The following MGAM variants were observed in gnomAD, a reference collection of about 807,000 sequenced individuals.
The protein encoded by MGAM is maltase-glucoamylase, also known as alpha-1,4-glucosidase.
Under a neutral mutation model 358.8 loss-of-function variants are expected in MGAM, and 253 were observed. The observed-to-expected ratio is 0.71, with a 90% CI of 0.64 to 0.78. The LOEUF is 0.78. Among genes scored for constraint, MGAM ranks in the 30% least tolerant of loss-of-function variants. The probability of loss-of-function intolerance (pLI) is 0.00; values close to 1 mark genes in which losing one functional copy is unlikely to be tolerated. For missense variants in MGAM, 3,080 were observed against 3,432.6 expected (o/e 0.90, Z 2.57); for synonymous variants, 1,105 against 1,227.1 (o/e 0.90, Z 2.08).
At position 142,068,628 on chromosome 7, in the gene MGAM, T is replaced by G; in HGVS notation, c.5005-19T>G. 5 of 1,515,192 alleles carry G rather than the reference T, an allele frequency of 3.3e-6. 1 individual carries two copies. The South Asian group carries it at 3.4e-5, about 10-fold the overall frequency. The allele number at this position is 1,515,192 out of a possible 1,614,324, so 93.9% of individuals were successfully genotyped here. A position where few individuals can be genotyped will look rare whatever the true frequency, so the allele number is the denominator to read the frequency against. ...GGAAAATGGTGGCACTGCCTCACCTTGTTTGTGTTTCATTTTAGAATGCCA... is the reference window on the plus strand; with the variant it reads ...GGAAAATGGTGGCACTGCCTCACCTGGTTTGTGTTTCATTTTAGAATGCCA... On this transcript the variant is annotated intron_variant, in intron 42 of 70. Transcript: ENST00000475668.
At chr7:142,025,850 C>G (rs10259614) in intron 8 of MGAM, among the ~76,000 whole-genome samples, 7,484 of 152,200 alleles carry the variant, frequency 0.049, 400 homozygotes, top group African/African-American at 0.13. Flanking sequence ...AATGATCTAA[C>G]ATGATTCTAG....
At chr7:142,017,777 G>A (rs1044005448) in intron 3 of MGAM, among the ~76,000 whole-genome samples, 1 of 152,040 alleles carries the variant, frequency 6.6e-6, no homozygotes, top group Non-Finnish European at 1.5e-5. Flanking sequence ...GTAAAAAATA[G>A]CATTTAATTA....
At chr7:142,025,216 G>T in intron 8 of MGAM, 67 bp downstream of exon 8, 1 of 1,224,890 alleles carries the variant, frequency 8.2e-7, no homozygotes. Context: ...ACAGCACTAT[G>T]ATAAAAGGAA....
rs376527736 is a variant in MGAM, at chr7:142,059,226, G to A, written c.3820-246G>A. ...AGTGTTTTCTCTTATCCTCAGAATA[G>A]CCATGCTAGAGACGCATTCTCATCC... On this transcript the variant is annotated intron_variant, in intron 31 of 70. Transcript: ENST00000475668. Among the ~76,000 whole-genome samples the A allele has an allele frequency of 3.3e-5, 5 of 152,292 alleles. 1 individual carries two copies. Among genetic ancestry groups the A allele is most frequent in the African/African-American group, 1.2e-4 (5 of 41,556 alleles).
At chr7:142,078,594 G>T in intron 48 of MGAM, 124 bp downstream of exon 48, 1 of 1,148,276 alleles carries the variant, frequency 8.7e-7, no homozygotes, top group Non-Finnish European at 1.2e-6. Context: ...TAAGGGACAT[G>T]ATCTGGATGT....
Position 142,082,027 on chromosome 7 carries a change from C to G in MGAM, c.6003-15C>G, listed in dbSNP as rs778253949. On this transcript the variant is annotated splice_polypyrimidine_tract_variant and intron_variant, in intron 50 of 70. Coordinates refer to ENST00000475668, the MANE Select transcript of MGAM (RefSeq NM_001365693.1). ...AGCCCATTTTCTGTTTCAAATCTGCCTTTTTGTGTTTCAGTTGGGACTCTC... is the reference window on the plus strand; with the variant it reads ...AGCCCATTTTCTGTTTCAAATCTGCGTTTTTGTGTTTCAGTTGGGACTCTC... The G allele has an allele frequency of 2.6e-6, 4 of 1,553,632 alleles. 1 individual carries two copies. The highest frequency in any genetic ancestry group is 3.5e-6 in the Non-Finnish European group (4 of 1,131,278).
chr7:142,012,772 A>T (rs1414043446), intron 3 of MGAM, among the ~76,000 whole-genome samples: 1 of 152,138 alleles, frequency 6.6e-6, no homozygotes, highest in Non-Finnish European at 1.5e-5. Flanking sequence ...TCTTGTCTGG[A>T]GGTTTCAAGA....
At chr7:142,039,706 G>T (rs1163627063) in intron 19 of MGAM, among the ~76,000 whole-genome samples, 1 of 152,140 alleles carries the variant, frequency 6.6e-6, no homozygotes, top group Non-Finnish European at 1.5e-5. Flanking sequence ...GGCTGATCGG[G>T]ATGTGATTGT....
chr7:142,038,729 C>A (rs1472466016), intron 19 of MGAM, 114 bp downstream of exon 19: 15 of 710,196 alleles, frequency 2.1e-5, no homozygotes, highest in Non-Finnish European at 3.3e-5. Context: ...ACTGAGTCAG[C>A]CTTGAAGAGA....
At chr7:142,027,796 A>C in intron 10 of MGAM, 61 bp downstream of exon 10, 1 of 1,428,780 alleles carries the variant, frequency 7.0e-7, no homozygotes, top group East Asian at 2.5e-5. Flanking sequence ...AAAAAGAAAA[A>C]CTGTTTATAT....
At chr7:141,988,950 G>A (rs1463467523) in intron 2 of MGAM, among the ~76,000 whole-genome samples, 2 of 152,132 alleles carry the variant, frequency 1.3e-5, no homozygotes, top group Non-Finnish European at 2.9e-5. Context: ...GAGATGTTAA[G>A]GTCTTTTATA....
At chr7:142,092,732 T>TG in intron 59 of MGAM, 124 bp downstream of exon 59, 1 of 942,048 alleles carries the variant, frequency 1.1e-6, no homozygotes, top group Non-Finnish European at 1.6e-6. Flanking sequence ...TGTGGTTTAC[T>TG]GGGGACCAGA....
intron 13 of MGAM, 147 bp downstream of exon 13, chr7:142,031,940 T>G: frequency 9.5e-6 from 5 of 527,676 alleles, no homozygotes; most frequent in Non-Finnish European, 1.7e-5. Flanking sequence ...TCTCTTACTA[T>G]TTAAATAATC....
At chr7:142,026,127 A>C (rs1360693461) in intron 8 of MGAM, among the ~76,000 whole-genome samples, 2 of 152,240 alleles carry the variant, frequency 1.3e-5, no homozygotes, top group African/African-American at 2.4e-5. Context: ...GATACGAATC[A>C]AGGTAATGAC....
At chr7:142,021,389 G>A (rs913450036) in intron 5 of MGAM, among the ~76,000 whole-genome samples, 197 bp from the exon 6 acceptor site, 20 of 152,180 alleles carry the variant, frequency 1.3e-4, no homozygotes, top group Admixed American at 4.6e-4. Flanking sequence ...CTCTGCAGAT[G>A]TGCTCTGTAT....
chr7:142,010,729 G>A (rs575923933), intron 3 of MGAM, among the ~76,000 whole-genome samples: 11 of 152,090 alleles, frequency 7.2e-5, no homozygotes, highest in South Asian at 2.1e-4. Flanking sequence ...ATTACTGTAC[G>A]TTGAGCCAAG....
Position 142,047,835 on chromosome 7 carries a change from C to G in MGAM, c.2549C>G (p.Ala850Gly). Residue 850 changes from alanine to glycine, a missense_variant, in exon 22 of 71, where the codon GCA becomes GGA. Transcript: ENST00000475668. ...ATTGCCCTAGATGAGAACAAAGAAG[C>G]AAAAGGAGAACTTTTCTGGGATAAT... ...LIIALDENKE[A>G]KGELFWDNGE... 6.2e-7 allele frequency: 1 copy of G among 1,612,468 alleles called. No homozygotes were observed. The highest frequency in any genetic ancestry group is 8.5e-7 in the Non-Finnish European group (1 of 1,178,700).
intron 7 of MGAM, among the ~76,000 whole-genome samples, chr7:142,023,493 A>G (rs1455894212): frequency 1.3e-5 from 2 of 152,090 alleles, no homozygotes; most frequent in Non-Finnish European, 2.9e-5. Context: ...CTATTTAGCC[A>G]TAGAGTCTAG....
intron 21 of MGAM, among the ~76,000 whole-genome samples, chr7:142,044,300 CTA>C (rs201634567): frequency 2.3e-5 from 1 of 42,588 alleles, no homozygotes; most frequent in South Asian, 8.5e-4. Flanking sequence ...ATAATATATA[CTA>C]TATATAATAT....
Sources: gnomAD v4.1 joint callset for allele counts (sites outside exome capture counted in the v4.1 genomes callset) on GRCh38, gnomAD v4.1.1 for gene constraint, MANE v1.5 for transcripts, NCBI Gene and HGNC (gene_info 2026-07-23, HGNC 2026-07-21) for gene names.